Variants in NLGN1 observed in about 807,000 individuals in gnomAD.
NLGN1 encodes neuroligin-1.
NLGN1 carries 12 observed loss-of-function variants against 65.5 expected under a neutral mutation model. That is an observed-to-expected ratio of 0.18 (90% CI 0.12 to 0.30). The LOEUF (loss-of-function observed/expected upper bound fraction) is 0.30, where lower values mean the gene tolerates loss of function less well. NLGN1 is among the 10% of genes least tolerant of loss of function. The pLI is 1.00. For missense variants in NLGN1, 750 were observed against 1,007.1 expected (o/e 0.74, Z 3.46); for synonymous variants, 350 against 359.5 (o/e 0.97, Z 0.30).
chr3:173,833,892 A>G (rs1203429157), intron 4 of NLGN1, among the ~76,000 whole-genome samples: 1 of 152,140 alleles, frequency 6.6e-6, no homozygotes, highest in Non-Finnish European at 1.5e-5. Context: ...TATGGCTTCA[A>G]GATTCTGTGT....
chr3:174,119,251 A>G (rs920629972), intron 4 of NLGN1, among the ~76,000 whole-genome samples: 7 of 152,134 alleles, frequency 4.6e-5, no homozygotes, highest in South Asian at 2.1e-4. Context: ...ACCCACTTCT[A>G]TGCATTTCTA....
chr3:173,480,027 A>G (rs1351112620), intron 2 of NLGN1, among the ~76,000 whole-genome samples: 4 of 152,142 alleles, frequency 2.6e-5, no homozygotes, highest in Non-Finnish European at 4.4e-5. Context: ...GAGATGGACA[A>G]TTTTGGGCAT....
At chr3:173,592,293 A>G (rs1353020390) in intron 2 of NLGN1, among the ~76,000 whole-genome samples, 2 of 152,236 alleles carry the variant, frequency 1.3e-5, no homozygotes, top group Non-Finnish European at 2.9e-5. Context: ...AAAATAAAGA[A>G]GAAGCTGTCT....
intron 4 of NLGN1, among the ~76,000 whole-genome samples, chr3:174,113,259 T>G (rs1380754772): frequency 1.3e-5 from 2 of 151,982 alleles, no homozygotes; most frequent in Non-Finnish European, 2.9e-5. Context: ...TGCAAGTAGG[T>G]TAAGATACTA....
intron 2 of NLGN1, among the ~76,000 whole-genome samples, chr3:173,590,386 C>T (rs1367746822): frequency 1.3e-5 from 2 of 152,114 alleles, no homozygotes; most frequent in Non-Finnish European, 1.5e-5. Context: ...AAGATTGATG[C>T]CAAAAGTCCC....
chr3:174,281,309 T>TAAG (rs747352182), exon 7 of NLGN1: 1 of 1,579,322 alleles, frequency 6.3e-7, no homozygotes, highest in Non-Finnish European at 8.7e-7. Context: ...TATAGCCAGA[T>TAAG]AAGAGAAACA....
intron 4 of NLGN1, among the ~76,000 whole-genome samples, chr3:173,958,555 T>G (rs1224319785): frequency 6.6e-6 from 1 of 152,086 alleles, no homozygotes; most frequent in African/African-American, 2.4e-5. Context: ...TCTGACAGTC[T>G]GGGGTTTTTA....
intron 2 of NLGN1, among the ~76,000 whole-genome samples, chr3:173,451,078 C>T (rs981673186): frequency 5.3e-5 from 8 of 152,170 alleles, no homozygotes; most frequent in East Asian, 3.9e-4. Context: ...AGTCATTCTC[C>T]GTCTAGCTTT....
intron 4 of NLGN1, among the ~76,000 whole-genome samples, chr3:173,909,840 A>C (rs1319079619): frequency 6.6e-6 from 1 of 152,020 alleles, no homozygotes; most frequent in African/African-American, 2.4e-5. Context: ...CACCACGCCC[A>C]GCTAATTTTG....
At chr3:173,449,550 G>T (rs1230500120) in intron 2 of NLGN1, among the ~76,000 whole-genome samples, 2 of 151,814 alleles carry the variant, frequency 1.3e-5, no homozygotes, top group Admixed American at 1.3e-4. Context: ...TTGATTTGGG[G>T]TGGAGAGTTC....
At chr3:174,255,873 G>A (rs1745657907) in intron 4 of NLGN1, among the ~76,000 whole-genome samples, 1 of 151,908 alleles carries the variant, frequency 6.6e-6, no homozygotes, top group Admixed American at 6.6e-5. Context: ...TACCCAGGCT[G>A]GTCTCAAACT....
intron 4 of NLGN1, among the ~76,000 whole-genome samples, chr3:174,111,738 A>G (rs1715266115): frequency 6.6e-6 from 1 of 151,924 alleles, no homozygotes; most frequent in Non-Finnish European, 1.5e-5. Flanking sequence ...AGTTATTAGT[A>G]TGGTTTTGCC....
intron 4 of NLGN1, among the ~76,000 whole-genome samples, chr3:173,813,454 A>G (rs767641831): frequency 8.1e-4 from 123 of 152,342 alleles, no homozygotes; most frequent in Non-Finnish European, 1.3e-3. Context: ...CAGTGTGTCT[A>G]TAGAGTCCAG....
In NLGN1 at chr3:174,060,438, GC is replaced by G. The variant is rs74514175; in HGVS notation, c.647-214871del. ...TGTGAAAAGAAGAACCAGAACATAT[GC>G]CCCCCTTTACCCTCCTTGAACAGTA... On this transcript the variant is annotated intron_variant, in intron 4 of 6. Transcript: ENST00000457714. 7.4e-3 allele frequency among the ~76,000 whole-genome samples: 1,119 copies of G among 152,126 alleles called. 78 individuals carry two copies. In the East Asian group the frequency reaches 0.17, roughly 24 times the overall value.
At chr3:173,402,180 T>C (rs1458634151) in intron 1 of NLGN1, among the ~76,000 whole-genome samples, 1 of 152,270 alleles carries the variant, frequency 6.6e-6, no homozygotes, top group East Asian at 1.9e-4. Flanking sequence ...CTGGTACAGA[T>C]GTGTTAGCAT....
At chr3:173,835,580 TACACAC>T (rs57183549) in intron 4 of NLGN1, among the ~76,000 whole-genome samples, 41 of 146,494 alleles carry the variant, frequency 2.8e-4, no homozygotes, top group African/African-American at 1.0e-3. Context: ...TTCAAACACA[TACACAC>T]ACACACACAC....
rs1017876864 is a variant in NLGN1, at chr3:173,810,838, C to T, written c.646+3006C>T. 2.2e-4 allele frequency among the ~76,000 whole-genome samples: 33 copies of T among 152,288 alleles called. No individual in the cohort carries two copies. In the South Asian group the frequency reaches 2.3e-3, roughly 11 times the overall value. On this transcript the variant is annotated intron_variant, in intron 4 of 6. Coordinates refer to ENST00000457714, the Ensembl canonical transcript of NLGN1. ...AACAGGTCAGAATTAGTTCTTCTAC[C>T]GACACCCTTTAGTGGTTTCCTTTCC...
chr3:173,649,300 A>G (rs1191661372), intron 3 of NLGN1, among the ~76,000 whole-genome samples: 1 of 152,110 alleles, frequency 6.6e-6, no homozygotes, highest in Non-Finnish European at 1.5e-5. Flanking sequence ...AGATAAGGAT[A>G]CAATCTTGAT....
intron 2 of NLGN1, among the ~76,000 whole-genome samples, chr3:173,440,229 T>G (rs1009960331): frequency 2.0e-5 from 3 of 152,162 alleles, no homozygotes; most frequent in African/African-American, 7.2e-5. Flanking sequence ...TTCTAGTTTT[T>G]TTGCTATTTT....
Sources: gnomAD v4.1 joint callset for allele counts (sites outside exome capture counted in the v4.1 genomes callset) on GRCh38, gnomAD v4.1.1 for gene constraint, MANE v1.5 for transcripts, NCBI Gene and HGNC (gene_info 2026-07-23, HGNC 2026-07-21) for gene names.